CCNY: variants seen among roughly 807,000 people sequenced by gnomAD.
CCNY encodes the protein cyclin-Y.
CCNY carries 19 observed loss-of-function variants against 42.8 expected under a neutral mutation model. The observed-to-expected ratio is 0.44, with a 90% confidence interval of 0.31 to 0.65. The LOEUF (loss-of-function observed/expected upper bound fraction) is 0.65. CCNY is among the 30% of genes least tolerant of loss of function. The pLI is 0.07. For synonymous variants in CCNY, 165 were observed against 162.7 expected, an observed-to-expected ratio of 1.01 and a Z score of -0.11; for missense variants, 370 against 437.3, an observed-to-expected ratio of 0.85 and a Z score of 1.37.
chr10:35,550,558 C>T (rs1003179269), intron 7 of CCNY, among the ~76,000 whole-genome samples: 1 of 152,118 alleles, frequency 6.6e-6, no homozygotes, highest in African/African-American at 2.4e-5. Flanking sequence ...ATGCCTGCTG[C>T]TTCTCCTGCC....
chr10:35,391,687 C>T (rs1034351870), intron 1 of CCNY, among the ~76,000 whole-genome samples: 5 of 152,166 alleles, frequency 3.3e-5, no homozygotes, highest in African/African-American at 1.2e-4. Flanking sequence ...ATGATAGTAC[C>T]TGCCTTACTG....
Position 35,422,822 on chromosome 10 carries a change from T to A in CCNY, c.155-60582T>A, listed in dbSNP as rs115380252. Among the ~76,000 whole-genome samples the A allele has an allele frequency of 3.0e-3, 454 of 152,344 alleles. 1 individual carries two copies. Among genetic ancestry groups the A allele is most frequent in the African/African-American group, 0.01 (430 of 41,578 alleles). On this transcript the variant is annotated intron_variant, in intron 1 of 9. Coordinates refer to ENST00000374704, the MANE Select transcript of CCNY (RefSeq NM_145012.6). ...GATGTCTGTTTATCCTTCATGATTT[T>A]TTTGTTTTATTGCTAAAAAACATGG...
chr10:35,407,500 G>C (rs763789540), intron 1 of CCNY, among the ~76,000 whole-genome samples: 1 of 152,136 alleles, frequency 6.6e-6, no homozygotes, highest in Non-Finnish European at 1.5e-5. Flanking sequence ...CTGGACATCA[G>C]GCACCTCAGA....
chr10:35,493,482 A>G (rs931743610), intron 2 of CCNY, among the ~76,000 whole-genome samples: 1 of 152,204 alleles, frequency 6.6e-6, no homozygotes, highest in Non-Finnish European at 1.5e-5. Flanking sequence ...ATAGCTTACC[A>G]TGTTTATAGC....
At chr10:35,491,450 G>A (rs966186163) in intron 2 of CCNY, among the ~76,000 whole-genome samples, 2 of 152,098 alleles carry the variant, frequency 1.3e-5, no homozygotes, top group Admixed American at 1.3e-4. Flanking sequence ...CCTGGCAAGA[G>A]GAGCCACCCC....
chr10:35,460,579 GTTA>G (rs1282961568), intron 1 of CCNY, among the ~76,000 whole-genome samples: 2 of 152,200 alleles, frequency 1.3e-5, no homozygotes, highest in Non-Finnish European at 2.9e-5. Flanking sequence ...TCAAGCTACT[GTTA>G]TTATAAATAT....
At chr10:35,282,111 AC>A (rs1433664088) in intron 3 of CCNY, among the ~76,000 whole-genome samples, 1 of 91,426 alleles carries the variant, frequency 1.1e-5, no homozygotes, top group Non-Finnish European at 2.1e-5. Context: ...CCTCATCTAC[AC>A]CCTTTTTTTT....
intron 1 of CCNY, among the ~76,000 whole-genome samples, chr10:35,418,166 T>C (rs3013355): frequency 0.072 from 10,924 of 152,276 alleles, 660 homozygotes; most frequent in African/African-American, 0.17. Context: ...TGCTCTCTTT[T>C]ATATCAGGGC....
chr10:35,428,617 A>G (rs1191436693), intron 1 of CCNY, among the ~76,000 whole-genome samples: 1 of 152,096 alleles, frequency 6.6e-6, no homozygotes, highest in African/African-American at 2.4e-5. Context: ...AGAGAGAGAG[A>G]GAGAGAATGG....
chr10:35,469,609 T>G (rs1370002057), intron 1 of CCNY, among the ~76,000 whole-genome samples: 1 of 135,610 alleles, frequency 7.4e-6, no homozygotes, highest in Non-Finnish European at 1.6e-5. Context: ...GACAGGGCAG[T>G]GGAGAGACAG....
intron 1 of CCNY, among the ~76,000 whole-genome samples, chr10:35,452,979 T>A (rs1053253160): frequency 6.6e-6 from 1 of 152,106 alleles, no homozygotes; most frequent in African/African-American, 2.4e-5. Context: ...TTAAAAAAAA[T>A]ATTATTTATT....
chr10:35,345,177 T>A (rs938640415), intron 1 of CCNY, among the ~76,000 whole-genome samples: 8 of 152,226 alleles, frequency 5.3e-5, no homozygotes, highest in African/African-American at 1.9e-4. Context: ...GTTGAACTAG[T>A]TTACGTCCTA....
intron 2 of CCNY, among the ~76,000 whole-genome samples, chr10:35,493,773 A>G (rs906146023): frequency 6.6e-6 from 1 of 152,214 alleles, no homozygotes; most frequent in Non-Finnish European, 1.5e-5. Context: ...TGAGATTGTC[A>G]GGAGGACTAA....
At chr10:35,461,141 C>T (rs1407865063) in intron 1 of CCNY, among the ~76,000 whole-genome samples, 1 of 152,154 alleles carries the variant, frequency 6.6e-6, no homozygotes. Context: ...AAGGATGACA[C>T]TTTCCATATC....
At chr10:35,400,271 G>A (rs1837615115) in intron 1 of CCNY, among the ~76,000 whole-genome samples, 3 of 152,044 alleles carry the variant, frequency 2.0e-5, no homozygotes, top group Admixed American at 1.3e-4. Flanking sequence ...CACAGTGCAG[G>A]GGGCGGCGGG....
chr10:35,291,734 A>T (rs1589019802), intron 3 of CCNY, among the ~76,000 whole-genome samples: 1 of 151,904 alleles, frequency 6.6e-6, no homozygotes, highest in African/African-American at 2.4e-5. Flanking sequence ...ATGGGGTTTC[A>T]TCATGTTGGC....
At chr10:35,321,674 T>C (rs1164688828) in intron 3 of CCNY, among the ~76,000 whole-genome samples, 2 of 151,888 alleles carry the variant, frequency 1.3e-5, no homozygotes, top group Non-Finnish European at 2.9e-5. Flanking sequence ...TAAGACCCTG[T>C]CTCAAAAAAA....
chr10:35,422,936 A>G (rs567313746), intron 1 of CCNY, among the ~76,000 whole-genome samples: 1 of 152,204 alleles, frequency 6.6e-6, no homozygotes, highest in Non-Finnish European at 1.5e-5. Flanking sequence ...ATTTAAGTGC[A>G]GTCTTTGTAA....
intron 1 of CCNY, among the ~76,000 whole-genome samples, chr10:35,476,275 C>G (rs1839507866): frequency 6.6e-6 from 1 of 152,076 alleles, no homozygotes. Flanking sequence ...GGCTCTGCAC[C>G]AAGCAGACCT....
Sources: allele counts gnomAD v4.1 joint callset (sites outside exome capture counted in the v4.1 genomes callset), GRCh38; gene constraint gnomAD v4.1.1; transcripts MANE v1.5; gene names NCBI Gene and HGNC (gene_info 2026-07-23, HGNC 2026-07-21).